The following MOSPD3 variants were observed in gnomAD, a reference collection of about 807,000 sequenced individuals.
MOSPD3 encodes the protein motile sperm domain containing 3.
Under a neutral mutation model 23.3 loss-of-function variants are expected in MOSPD3, and 20 were observed. The ratio of observed to expected loss-of-function variants is 0.86; its 90% CI spans 0.61 to 1.25. The LOEUF (loss-of-function observed/expected upper bound fraction) is 1.25, where lower values mean the gene tolerates loss of function less well. MOSPD3 is among the 50% of genes most tolerant of loss of function. MOSPD3 has a pLI of 0.00. For missense variants in MOSPD3, 307 were observed against 315.7 expected, an observed-to-expected ratio of 0.97 and a Z score of 0.21; for synonymous variants, 136 against 135.2, an observed-to-expected ratio of 1.01 and a Z score of -0.04.
rs7812235 is a variant in MOSPD3, at chr7:100,613,863, G to T, written c.511+157G>T. On this transcript the variant is annotated intron_variant, in intron 3 of 4. Transcript: ENST00000393950. The stretch of plus-strand genomic sequence containing the variant: ...AGTTGAGATTTTATATCAGGTGAGG[G>T]GGAAAAGACTTACAGCTTCCCTGGT... 2.0e-5 allele frequency: 14 copies of T among 708,850 alleles called. No individual in the cohort carries two copies. The Admixed American group carries it at 3.1e-4, about 16-fold the overall frequency. 43.9% of individuals were successfully genotyped at this position (708,850 alleles called of 1,614,324 possible).
intron 1 of MOSPD3, 61 bp from the exon 2 acceptor site, chr7:100,613,133 G>C (rs1186326635): frequency 1.9e-6 from 3 of 1,592,734 alleles, no homozygotes; most frequent in Non-Finnish European, 2.6e-6. Context: ...GGGGCAGAAG[G>C]CAGAGGGGAC....
rs143182268 is a variant in MOSPD3 at position 100,612,978 on chromosome 7, A to G, written c.187A>G (p.Thr63Ala). ...QLLTLYNPTG[T>A]ALRFRVLCTA... is the part of the protein sequence containing the mutation. Reference sequence around the variant, plus strand: ...GCTGACCCTCTATAACCCCACAGGAACTGCGCTTCGCTTCCGAGGTAAAGG... The same window carrying G: ...GCTGACCCTCTATAACCCCACAGGAGCTGCGCTTCGCTTCCGAGGTAAAGG... The change falls in exon 1 of 5, where the codon ACT becomes GCT. Residue 63 changes from threonine (T) to alanine (A), a missense_variant. Coordinates refer to ENST00000393950, the MANE Select transcript of MOSPD3 (RefSeq NM_023948.5). The G allele has an allele frequency of 1.2e-4, 194 of 1,614,004 alleles. 1 individual carries two copies. The Middle Eastern group carries it at 1.3e-3, about 11-fold the overall frequency.
chr7:100,614,744 A>C, intron 3 of MOSPD3, 123 bp from the exon 4 acceptor site: 1 of 1,143,082 alleles, frequency 8.7e-7, no homozygotes, highest in Non-Finnish European at 1.2e-6. Context: ...CTCCATCTCT[A>C]CAAAAAATAA....
In MOSPD3 at chr7:100,612,795, C is replaced by T; in HGVS notation, c.4C>T (p.Arg2Cys). 1 of 1,582,364 alleles carries T rather than the reference C, an allele frequency of 6.3e-7. No individual in the cohort carries two copies. The highest frequency in any genetic ancestry group is 1.1e-5 in the South Asian group (1 of 87,878). The change falls in exon 1 of 5, where the codon CGC becomes TGC. Residue 2 changes from arginine to cysteine, a missense_variant. Coordinates refer to ENST00000393950, the MANE Select transcript of MOSPD3 (RefSeq NM_023948.5). The stretch of plus-strand genomic sequence containing the variant: ...TGTCCGACCGCCCAGAGCCTGCATG[C>T]GCCGTGGGGCGCCCCAGGACCAGGA... M[R>C]RGAPQDQELV...
chr7:100,613,254 A>T lies in MOSPD3; in HGVS notation c.266A>T (p.Gln89Leu). The part of the protein sequence containing the change: ...VFDAEGYVKP[Q>L]SCIDIVIRHV... ...GACGCAGAGGGATATGTGAAGCCCCAGTCTTGCATTGACATGTGAGTGAGC... is the reference window on the plus strand; with the variant it reads ...GACGCAGAGGGATATGTGAAGCCCCTGTCTTGCATTGACATGTGAGTGAGC... Residue 89 changes from glutamine to leucine, a missense_variant, in exon 2 of 5, where the codon CAG becomes CTG. Coordinates refer to ENST00000393950, the MANE Select transcript of MOSPD3 (RefSeq NM_023948.5). The T allele has an allele frequency of 6.2e-7, 1 of 1,610,058 alleles. No homozygotes were observed. The highest frequency in any genetic ancestry group is 8.5e-7 in the Non-Finnish European group (1 of 1,177,386).
chr7:100,612,846 C>T lies in MOSPD3; in HGVS notation c.55C>T (p.Arg19Trp). 6.2e-7 allele frequency: 1 copy of T among 1,611,372 alleles called. No homozygotes were observed. The highest frequency in any genetic ancestry group is 8.5e-7 in the Non-Finnish European group (1 of 1,179,270). Residue 19 changes from arginine (R) to tryptophan (W), a missense_variant, in exon 1 of 5, where the codon CGG (arginine) becomes TGG (tryptophan). Coordinates refer to ENST00000393950, the MANE Select transcript of MOSPD3 (RefSeq NM_023948.5). ...GCTGGTGGGTCCGGGGCCCCCTGGGCGGGGGTCCCGGGGCGCCCCTCCTCC... is the reference window on the plus strand; with the variant it reads ...GCTGGTGGGTCCGGGGCCCCCTGGGTGGGGGTCCCGGGGCGCCCCTCCTCC... ...QELVGPGPPGRGSRGAPPPLG... is the reference protein window; with the variant it reads ...QELVGPGPPGWGSRGAPPPLG...
intron 1 of MOSPD3, 96 bp from the exon 2 acceptor site, chr7:100,613,098 A>G: frequency 6.3e-7 from 1 of 1,579,680 alleles, no homozygotes; most frequent in Non-Finnish European, 8.7e-7. Flanking sequence ...GCTTTGGTGG[A>G]CTGGGAAAGT....
chr7:100,612,699 C>G lies in MOSPD3; in HGVS notation c.-93C>G. ...TCGAGGCCCTGCTCCGGGAGCTCAT[C>G]TTGTCCCCTTTCGCCCCTCACGCCC... On this transcript the variant is annotated 5_prime_UTR_variant, in exon 1 of 5. In the 5' UTR this introduces an upstream ATG that the reference lacks. Transcript: ENST00000393950. 1.0e-6 allele frequency: 1 copy of G among 992,798 alleles called. No homozygotes were observed. The highest frequency in any genetic ancestry group is 1.7e-5 in the South Asian group (1 of 60,126). The allele number at this position is 992,798 out of a possible 1,614,324, so 61.5% of individuals were successfully genotyped here.
chr7:100,613,267 C>T lies in MOSPD3; in HGVS notation c.279C>T (p.Asp93=), dbSNP rs1429560818. 6 of 1,612,026 alleles carry T rather than the reference C, an allele frequency of 3.7e-6. No homozygotes were observed. ...EGYVKPQSCI[D]IVIRHVAPIP... ...ATGTGAAGCCCCAGTCTTGCATTGA[C>T]ATGTGAGTGAGCTGGGAGGGTGGGG... Residue 93 remains aspartate (D), a splice_region_variant and synonymous_variant, in exon 2 of 5, where the codon GAC becomes GAT. Transcript: ENST00000393950.
upstream of MOSPD3, chr7:100,612,351 G>A (rs989746941): frequency 1.3e-5 from 2 of 153,470 alleles, no homozygotes; most frequent in African/African-American, 2.4e-5. Context: ...GGAAGCAGGC[G>A]GCGTCACAGG....
chr7:100,615,183 AGCTCCGT>A lies in MOSPD3; in HGVS notation c.*5_*11del, dbSNP rs1470671799. On this transcript the variant is annotated 3_prime_UTR_variant, in exon 5 of 5. Transcript: ENST00000393950. ...TCACCATGGTGTTCCTCCGGACCTG[AGCTCCGT>A]GCTCAACCCCCAGCCCACCCCACCC... 3.7e-6 allele frequency: 6 copies of A among 1,613,622 alleles called. No homozygotes were observed. The African/African-American group carries it at 8.0e-5, about 22-fold the overall frequency.
At chr7:100,615,118 A>G in intron 4 of MOSPD3, 34 bp from the exon 5 acceptor site, 1 of 1,614,102 alleles carries the variant, frequency 6.2e-7, no homozygotes, top group Non-Finnish European at 8.5e-7. Context: ...AGGGCTGCCC[A>G]TGCGACCCTA....
In MOSPD3 at chr7:100,613,683, C is replaced by T. The variant is rs1317854368; in HGVS notation, c.488C>T (p.Pro163Leu). ...RPGPPAGTPP[P>L]TARHFQEHPR... Reference sequence around the variant, plus strand: ...GGGCCTCCTGCTGGGACACCACCACCCACGGCCAGACACTTCCAGGAGCGT... The same window carrying T: ...GGGCCTCCTGCTGGGACACCACCACTCACGGCCAGACACTTCCAGGAGCGT... The change falls in exon 3 of 5, where the codon CCC (proline) becomes CTC (leucine). Residue 163 changes from proline (P) to leucine (L), a missense_variant. Coordinates refer to ENST00000393950, the MANE Select transcript of MOSPD3 (RefSeq NM_023948.5). 1.2e-6 allele frequency: 2 copies of T among 1,613,196 alleles called. No individual in the cohort carries two copies. The highest frequency in any genetic ancestry group is 1.7e-6 in the Non-Finnish European group (2 of 1,180,014).
chr7:100,612,764 C>G lies in MOSPD3; in HGVS notation c.-28C>G, dbSNP rs1001616084. ...CAGGCCCTGTCCCCTGAGCTCTGCC[C>G]TCGGATGTCCGACCGCCCAGAGCCT... On this transcript the variant is annotated 5_prime_UTR_variant, in exon 1 of 5. Transcript: ENST00000393950. 1 of 1,543,500 alleles carries G rather than the reference C, an allele frequency of 6.5e-7. No homozygotes were observed. Among genetic ancestry groups the G allele is most frequent in the East Asian group, 2.3e-5 (1 of 44,388 alleles).
chr7:100,613,767 A>G, intron 3 of MOSPD3, 61 bp downstream of exon 3: 3 of 1,425,034 alleles, frequency 2.1e-6, no homozygotes, highest in Non-Finnish European at 2.0e-6. Flanking sequence ...ATTTCCCTAG[A>G]GATGAGATAA....
At position 100,612,809 on chromosome 7, in the gene MOSPD3, C is replaced by T; in HGVS notation, c.18C>T (p.Pro6=). The change falls in exon 1 of 5, where the codon CCC becomes CCT. Residue 6 remains proline (P), a synonymous_variant. Transcript: ENST00000393950. ...GAGCCTGCATGCGCCGTGGGGCGCC[C>T]CAGGACCAGGAGCTGGTGGGTCCGG... is the stretch of plus-strand genomic sequence containing the variant. MRRGA[P]QDQELVGPGP... is the part of the protein sequence containing the mutation. The T allele has an allele frequency of 6.3e-7, 1 of 1,595,734 alleles. No individual in the cohort carries two copies.
intron 3 of MOSPD3, among the ~76,000 whole-genome samples, chr7:100,614,359 G>A (rs538066813): frequency 2.6e-5 from 4 of 152,044 alleles, no homozygotes; most frequent in South Asian, 4.1e-4. Context: ...CCAGCTAGTC[G>A]GGAGGCTAAG....
In MOSPD3 at chr7:100,612,602, G is replaced by A. The variant is rs1452983516; in HGVS notation, c.-190G>A. 1 of 507,858 alleles carries A rather than the reference G, an allele frequency of 2.0e-6. No homozygotes were observed. Among genetic ancestry groups the A allele is most frequent in the African/African-American group, 2.0e-5 (1 of 49,838 alleles). The allele number at this position is 507,858 out of a possible 1,614,324, so 31.5% of individuals were successfully genotyped here. Reference sequence around the variant, plus strand: ...CCTGGGGCAGAGCTGGAAGAGGAAAGGTCTTGGGGGCCCTGGGCCTGGGTC... The same window carrying A: ...CCTGGGGCAGAGCTGGAAGAGGAAAAGTCTTGGGGGCCCTGGGCCTGGGTC... On this transcript the variant is annotated 5_prime_UTR_variant, in exon 1 of 5. Transcript: ENST00000393950.
intron 2 of MOSPD3, 47 bp downstream of exon 2, chr7:100,613,316 C>T (rs1251582003): frequency 1.3e-6 from 2 of 1,581,750 alleles, no homozygotes; most frequent in Non-Finnish European, 8.7e-7. Context: ...CCAGGGGTCG[C>T]TGCCACCTGT....
Sources: gnomAD v4.1 joint callset for allele counts (sites outside exome capture counted in the v4.1 genomes callset) on GRCh38, gnomAD v4.1.1 for gene constraint, MANE v1.5 for transcripts, NCBI Gene and HGNC (gene_info 2026-07-23, HGNC 2026-07-21) for gene names.